Variants in ABITRAM observed in about 807,000 individuals in gnomAD.
The protein encoded by ABITRAM is protein Abitram.
A neutral mutation model predicts 22.9 loss-of-function variants in ABITRAM; 19 were observed. That is an observed-to-expected ratio of 0.83 (90% CI 0.58 to 1.22). The LOEUF is 1.22. Ranked by LOEUF, ABITRAM falls within the 50% of genes most tolerant of loss-of-function variation. The probability of loss-of-function intolerance (pLI) is 0.00; values close to 1 mark genes in which losing one functional copy is unlikely to be tolerated. For synonymous variants in ABITRAM, 70 were observed against 73.9 expected (o/e 0.95, Z 0.27); for missense variants, 215 against 220.2 (o/e 0.98, Z 0.15).
rs377722371 is a variant in ABITRAM, at chr9:108,939,238, T to A, written c.304T>A (p.Tyr102Asn). 9 of 1,613,914 alleles carry A rather than the reference T, an allele frequency of 5.6e-6. No individual in the cohort carries two copies. Among genetic ancestry groups the A allele is most frequent in the Non-Finnish European group, 6.8e-6 (8 of 1,179,948 alleles). ...AGAGCTTGCACCTCTCTGTAAGATTTACTGCTCAGATGGTGAAGAATATAC... is the reference window on the plus strand; with the variant it reads ...AGAGCTTGCACCTCTCTGTAAGATTAACTGCTCAGATGGTGAAGAATATAC... ...LTELAPLCKI[Y>N]CSDGEEYTVS... is the part of the protein sequence containing the mutation. The change falls in exon 4 of 6, where the codon TAC becomes AAC. Residue 102 changes from tyrosine (Y) to asparagine (N), a missense_variant. Tyr to Asn is a moderately radical substitution (Grantham distance 143, BLOSUM62 -2). Transcript: ENST00000322940.
downstream of ABITRAM, chr9:108,943,872 C>T (rs867581007): frequency 4.4e-6 from 7 of 1,601,812 alleles, no homozygotes; most frequent in Middle Eastern, 6.6e-4. Context: ...ATCTTTAATA[C>T]CTTAAACACA....
At chr9:108,935,755 T>C in intron 2 of ABITRAM, 66 bp downstream of exon 2, 5 of 992,202 alleles carry the variant, frequency 5.0e-6, no homozygotes, top group Non-Finnish European at 6.4e-6. Flanking sequence ...CCTGGTATGG[T>C]CTTGTGGTCT....
intron 1 of ABITRAM, 24 bp downstream of exon 1, chr9:108,934,589 C>T (rs1564113810): frequency 6.3e-7 from 1 of 1,584,716 alleles, no homozygotes; most frequent in South Asian, 1.1e-5. Context: ...GATGTTGATC[C>T]CTCCTTGGCC....
At chr9:108,945,901 G>C (rs1415676413), downstream of ABITRAM, among the ~76,000 whole-genome samples, 1 of 152,142 alleles carries the variant, frequency 6.6e-6, no homozygotes, top group Non-Finnish European at 1.5e-5. Context: ...AAAACAAAAT[G>C]CTCGATTTCC....
In ABITRAM at chr9:108,934,520, G is replaced by T. The variant is rs1451302527; in HGVS notation, c.34G>T (p.Val12Leu). The T allele has an allele frequency of 6.2e-7, 1 of 1,606,628 alleles. No individual in the cohort carries two copies. ...ATEPEAAEPV[V>L]PSLVDRYFTR... The stretch of plus-strand genomic sequence containing the variant: ...CGAGCCCGAAGCCGCGGAGCCGGTG[G>T]TGCCTTCGCTCGTGGATCGATACTT... Residue 12 changes from valine (V) to leucine (L), a missense_variant, in exon 1 of 6, where the codon GTG becomes TTG. Physicochemically the swap from Val to Leu is conservative, Grantham distance 32. Transcript: ENST00000322940.
At position 108,939,218 on chromosome 9, in the gene ABITRAM, T is replaced by C; in HGVS notation, c.284T>C (p.Leu95Pro). ...FKRGAQFLTE[L>P]APLCKIYCSD... is the part of the protein sequence containing the mutation. ...CAGGGGGCACAGTTTCTAACAGAGC[T>C]TGCACCTCTCTGTAAGATTTACTGC... Residue 95 changes from leucine (L) to proline (P), a missense_variant, in exon 4 of 6, where the codon CTT (leucine) becomes CCT (proline). By Grantham distance (98) the Leu-to-Pro change is moderately conservative. Coordinates refer to ENST00000322940, the MANE Select transcript of ABITRAM (RefSeq NM_017832.4). 1 of 1,613,878 alleles carries C rather than the reference T, an allele frequency of 6.2e-7. No individual in the cohort carries two copies. The highest frequency in any genetic ancestry group is 1.1e-5 in the South Asian group (1 of 91,054).
chr9:108,943,049 A>G (rs1564117314), downstream of ABITRAM: 1 of 1,603,804 alleles, frequency 6.2e-7, no homozygotes, highest in Non-Finnish European at 8.5e-7. Context: ...GTCAACCTAC[A>G]ATGACAAAAA....
In ABITRAM at chr9:108,940,392, C is replaced by G. The variant is rs1587935679; in HGVS notation, c.*706C>G. 6.6e-6 allele frequency: 1 copy of G among 152,286 alleles called. No individual in the cohort carries two copies. Among genetic ancestry groups the G allele is most frequent in the Admixed American group, 6.5e-5 (1 of 15,284 alleles). The allele number at this position is 152,286 out of a possible 1,614,324, so 9.4% of individuals were successfully genotyped here. On this transcript the variant is annotated 3_prime_UTR_variant, in exon 6 of 6. Transcript: ENST00000322940. ...CAGTTTGAAGTTTAAAAAAACCTAACCCACCTTTCTTACCCAGTCTTCTAT... is the reference window on the plus strand; with the variant it reads ...CAGTTTGAAGTTTAAAAAAACCTAAGCCACCTTTCTTACCCAGTCTTCTAT...
downstream of ABITRAM, among the ~76,000 whole-genome samples, chr9:108,941,693 G>A (rs1830257562): frequency 6.6e-6 from 1 of 152,112 alleles, no homozygotes; most frequent in Non-Finnish European, 1.5e-5. Context: ...AAGATCATCA[G>A]ATAAGCTTAT....
At chr9:108,935,251 G>A (rs1830162810) in intron 1 of ABITRAM, among the ~76,000 whole-genome samples, 1 of 152,160 alleles carries the variant, frequency 6.6e-6, no homozygotes, top group Admixed American at 6.5e-5. Flanking sequence ...TGACTGAGGG[G>A]TTTCCCAGAA....
chr9:108,943,430 C>T (rs1830305417), downstream of ABITRAM, among the ~76,000 whole-genome samples: 3 of 152,162 alleles, frequency 2.0e-5, no homozygotes, highest in Admixed American at 6.6e-5. Context: ...CTCGGAGGCA[C>T]CTGTGTCCTA....
downstream of ABITRAM, among the ~76,000 whole-genome samples, chr9:108,945,649 T>TG (rs1472488308): frequency 2.0e-5 from 3 of 150,482 alleles, no homozygotes; most frequent in African/African-American, 7.4e-5. Flanking sequence ...TTTTGTTTTG[T>TG]TTTTTTGTAG....
At chr9:108,944,120 G>A, downstream of ABITRAM, 3 of 1,158,524 alleles carry the variant, frequency 2.6e-6, no homozygotes, top group Non-Finnish European at 3.7e-6. Flanking sequence ...TAAAAATAAA[G>A]CCTAGATATA....
downstream of ABITRAM, among the ~76,000 whole-genome samples, chr9:108,943,438 CT>C (rs1830305808): frequency 6.6e-6 from 1 of 152,158 alleles, no homozygotes; most frequent in South Asian, 2.1e-4. Context: ...CACCTGTGTC[CT>C]AGTTGCAGAG....
chr9:108,948,865 C>G (rs186368815), intron 3 of ABITRAM, among the ~76,000 whole-genome samples: 1 of 151,914 alleles, frequency 6.6e-6, no homozygotes, highest in South Asian at 2.1e-4. Flanking sequence ...AGGGATAAGT[C>G]AGAAAATCTG....
At chr9:108,935,722 A>T (rs11506878) in intron 2 of ABITRAM, 33 bp downstream of exon 2, 59 of 1,550,908 alleles carry the variant, frequency 3.8e-5, no homozygotes, top group South Asian at 1.8e-4. Flanking sequence ...ATTATCAAAA[A>T]TTTTTTTTTC....
At chr9:108,944,056 G>A, downstream of ABITRAM, 1 of 1,533,958 alleles carries the variant, frequency 6.5e-7, no homozygotes, top group African/African-American at 1.4e-5. Flanking sequence ...TTAGACTGAT[G>A]TCTATGGATA....
At chr9:108,942,739 A>T, downstream of ABITRAM, 1 of 1,320,792 alleles carries the variant, frequency 7.6e-7, no homozygotes, top group Non-Finnish European at 1.1e-6. Flanking sequence ...TCATCACATG[A>T]TGTTCCAGAG....
chr9:108,937,055 G>A (rs1411236449), intron 3 of ABITRAM, among the ~76,000 whole-genome samples: 1 of 152,158 alleles, frequency 6.6e-6, no homozygotes, highest in African/African-American at 2.4e-5. Context: ...AGCCACTCGG[G>A]AGGCTGAGGC....
Sources: allele counts gnomAD v4.1 joint callset (sites outside exome capture counted in the v4.1 genomes callset), GRCh38; gene constraint gnomAD v4.1.1; transcripts MANE v1.5; gene names NCBI Gene and HGNC (gene_info 2026-07-23, HGNC 2026-07-21).